CRISPLD2: variants seen among roughly 807,000 people sequenced by gnomAD.
The protein encoded by CRISPLD2 is cysteine rich secretory protein LCCL domain containing 2.
A neutral mutation model predicts 71.1 loss-of-function variants in CRISPLD2; 47 were observed. The observed-to-expected ratio is 0.66, with a 90% confidence interval of 0.52 to 0.84. The LOEUF (loss-of-function observed/expected upper bound fraction) is 0.84, where lower values mean the gene tolerates loss of function less well. CRISPLD2 is among the 40% of genes least tolerant of loss of function. The probability of loss-of-function intolerance (pLI) is 0.00; values close to 1 mark genes in which losing one functional copy is unlikely to be tolerated. For missense variants in CRISPLD2, 830 were observed against 651.1 expected, an observed-to-expected ratio of 1.27 and a Z score of -2.99; for synonymous variants, 317 against 250.1, an observed-to-expected ratio of 1.27 and a Z score of -2.52.
chr16:84,878,101 G>A (rs13334613), intron 12 of CRISPLD2, among the ~76,000 whole-genome samples: 3,295 of 151,572 alleles, frequency 0.022, 131 homozygotes, highest in African/African-American at 0.076. Flanking sequence ...GCGGGCGCCT[G>A]TATTCCCAGC....
chr16:84,828,462 C>T (rs1567677772), intron 1 of CRISPLD2, among the ~76,000 whole-genome samples: 1 of 152,166 alleles, frequency 6.6e-6, no homozygotes, highest in African/African-American at 2.4e-5. Flanking sequence ...GAATTCGAAC[C>T]CAGAGCTGCC....
intron 1 of CRISPLD2, among the ~76,000 whole-genome samples, chr16:84,834,529 C>G (rs930366695): frequency 6.6e-6 from 1 of 152,226 alleles, no homozygotes; most frequent in Non-Finnish European, 1.5e-5. Flanking sequence ...CAGCCAGGAC[C>G]CTGGCCTGGC....
chr16:84,872,037 A>G (rs1449314686), intron 8 of CRISPLD2, among the ~76,000 whole-genome samples: 2 of 152,254 alleles, frequency 1.3e-5, no homozygotes, highest in African/African-American at 4.8e-5. Context: ...AAACTGATAC[A>G]AATTTTAAAA....
Position 84,880,716 on chromosome 16 carries a change from T to C in CRISPLD2, c.1305+132T>C. Reference sequence around the variant, plus strand: ...CTAAATTAATTAATTAATTAATTAATTAATTTCGAGATGGAGTCTTACTCT... The same window carrying C: ...CTAAATTAATTAATTAATTAATTAACTAATTTCGAGATGGAGTCTTACTCT... On this transcript the variant is annotated intron_variant, in intron 13 of 14. Coordinates refer to ENST00000262424, the MANE Select transcript of CRISPLD2 (RefSeq NM_031476.4). The C allele has an allele frequency of 5.0e-6, 3 of 599,456 alleles. No individual in the cohort carries two copies. The South Asian group carries it at 6.8e-5, about 14-fold the overall frequency. The allele number at this position is 599,456 out of a possible 1,614,324, so 37.1% of individuals were successfully genotyped here. A position where few individuals can be genotyped will look rare whatever the true frequency, so the allele number is the denominator to read the frequency against.
intron 13 of CRISPLD2, among the ~76,000 whole-genome samples, chr16:84,887,778 A>G (rs1215575878): frequency 6.6e-6 from 1 of 152,208 alleles, no homozygotes; most frequent in Non-Finnish European, 1.5e-5. Context: ...CAAGAGGCTG[A>G]GGCAGAAGAA....
intron 1 of CRISPLD2, among the ~76,000 whole-genome samples, chr16:84,836,729 C>T (rs1006362818): frequency 5.9e-5 from 9 of 152,138 alleles, no homozygotes; most frequent in Non-Finnish European, 1.3e-4. Flanking sequence ...CTCCCCACCC[C>T]GGCCCCACCC....
chr16:84,845,019 G>A (rs919877845), intron 2 of CRISPLD2, among the ~76,000 whole-genome samples: 7 of 152,124 alleles, frequency 4.6e-5, no homozygotes, highest in Non-Finnish European at 8.8e-5. Flanking sequence ...AACGCCACCC[G>A]GATAATTGAT....
chr16:84,820,178 C>T (rs1418550339), intron 1 of CRISPLD2, 45 bp downstream of exon 1: 1 of 152,220 alleles, frequency 6.6e-6, no homozygotes, highest in Non-Finnish European at 1.5e-5. Flanking sequence ...ACTGTTACCC[C>T]CCCGAGAAGC....
intron 10 of CRISPLD2, 76 bp downstream of exon 10, chr16:84,873,198 C>G: frequency 6.5e-7 from 1 of 1,541,266 alleles, no homozygotes; most frequent in South Asian, 1.2e-5. Flanking sequence ...TTGAAAAATA[C>G]CACACAGGCC....
chr16:84,902,342 G>T (rs1282358334), intron 14 of CRISPLD2, among the ~76,000 whole-genome samples: 1 of 151,376 alleles, frequency 6.6e-6, no homozygotes, highest in Non-Finnish European at 1.5e-5. Context: ...GGGCGCAGTG[G>T]CTCACGCCTG....
At chr16:84,871,094 C>T (rs1039856268) in intron 8 of CRISPLD2, among the ~76,000 whole-genome samples, 2 of 152,026 alleles carry the variant, frequency 1.3e-5, no homozygotes, top group African/African-American at 4.8e-5. Context: ...TTGGGATATG[C>T]TTGCAGGTCT....
chr16:84,888,715 C>A (rs2071634916), intron 13 of CRISPLD2, among the ~76,000 whole-genome samples: 1 of 152,208 alleles, frequency 6.6e-6, no homozygotes, highest in African/African-American at 2.4e-5. Flanking sequence ...AGGGCATTTG[C>A]ACGAGCCTTT....
chr16:84,876,227 C>T (rs1264452211), intron 11 of CRISPLD2, among the ~76,000 whole-genome samples: 10 of 152,256 alleles, frequency 6.6e-5, no homozygotes, highest in African/African-American at 2.4e-4. Flanking sequence ...CCTGGCCGGG[C>T]GCGGTGGCTC....
At chr16:84,857,460 T>C (rs1217806074) in intron 6 of CRISPLD2, among the ~76,000 whole-genome samples, 1 of 152,228 alleles carries the variant, frequency 6.6e-6, no homozygotes, top group Non-Finnish European at 1.5e-5. Context: ...CAGTCATGCT[T>C]CTTCCAAGTC....
In CRISPLD2 at chr16:84,872,442, G is replaced by A. The variant is rs370539314; in HGVS notation, c.915G>A (p.Arg305=). 1 of 1,613,486 alleles carries A rather than the reference G, an allele frequency of 6.2e-7. No individual in the cohort carries two copies. Among genetic ancestry groups the A allele is most frequent in the Non-Finnish European group, 8.5e-7 (1 of 1,179,570 alleles). ...KDRCKGSTCN[R]YQCPAGCLNH... ...CATCATTTTATTTCTTCCTCGTCAG[G>A]TACCAGTGCCCAGCAGGCTGCCTGA... Residue 305 remains arginine, a splice_region_variant and synonymous_variant, in exon 9 of 15, where the codon AGG becomes AGA. Coordinates refer to ENST00000262424, the MANE Select transcript of CRISPLD2 (RefSeq NM_031476.4).
At chr16:84,877,346 C>T in intron 11 of CRISPLD2, 92 bp from the exon 12 acceptor site, 1 of 1,156,540 alleles carries the variant, frequency 8.6e-7, no homozygotes, top group Non-Finnish European at 1.3e-6. Context: ...AACCCATAGG[C>T]CCTGGTAGTC....
chr16:84,837,418 T>C (rs1916647995), intron 1 of CRISPLD2, among the ~76,000 whole-genome samples: 1 of 111,450 alleles, frequency 9.0e-6, no homozygotes, highest in Non-Finnish European at 2.2e-5. Context: ...TAGCTTGCTT[T>C]TTTTTTTTTT....
At chr16:84,870,341 T>G (rs1004059562) in intron 8 of CRISPLD2, among the ~76,000 whole-genome samples, 3 of 151,702 alleles carry the variant, frequency 2.0e-5, no homozygotes, top group African/African-American at 7.3e-5. Context: ...TTTCTTTGAG[T>G]TGGAGTCTTG....
Position 84,833,497 on chromosome 16 carries a change from C to T in CRISPLD2, c.-74-4925C>T, listed in dbSNP as rs76037835. Among the ~76,000 whole-genome samples the T allele has an allele frequency of 9.7e-3, 1,481 of 152,264 alleles. 20 individuals carry two copies. Among genetic ancestry groups the T allele is most frequent in the East Asian group, 0.032 (168 of 5,186 alleles). On this transcript the variant is annotated intron_variant, in intron 1 of 14. Coordinates refer to ENST00000262424, the MANE Select transcript of CRISPLD2 (RefSeq NM_031476.4). Reference sequence around the variant, plus strand: ...TGCAGGGGCATCTCTCTAGGAGTGGCGCATGCACCCGGCCCTGCCTGGGAG... The same window carrying T: ...TGCAGGGGCATCTCTCTAGGAGTGGTGCATGCACCCGGCCCTGCCTGGGAG...
Sources: gnomAD v4.1 joint callset for allele counts (sites outside exome capture counted in the v4.1 genomes callset) on GRCh38, gnomAD v4.1.1 for gene constraint, MANE v1.5 for transcripts, NCBI Gene and HGNC (gene_info 2026-07-23, HGNC 2026-07-21) for gene names.